SNTG1: variants seen among roughly 807,000 people sequenced by gnomAD.
SNTG1 encodes gamma-1-syntrophin.
SNTG1 carries 39 observed loss-of-function variants against 74.7 expected under a neutral mutation model. The ratio of observed to expected loss-of-function variants is 0.52; its 90% CI spans 0.40 to 0.68. SNTG1 has a LOEUF of 0.68. Among genes scored for constraint, SNTG1 ranks in the 30% least tolerant of loss-of-function variants. The pLI is 0.00. For missense variants in SNTG1, 685 were observed against 609.5 expected (o/e 1.12, Z -1.30); for synonymous variants, 254 against 217.1 (o/e 1.17, Z -1.49).
At chr8:49,980,282 G>T (rs1016763148) in intron 1 of SNTG1, among the ~76,000 whole-genome samples, 3 of 152,086 alleles carry the variant, frequency 2.0e-5, no homozygotes, top group South Asian at 2.1e-4. Flanking sequence ...ACGTTGTAAA[G>T]AAATCAAATG....
chr8:50,777,620 T>C (rs1228347019), intron 18 of SNTG1, among the ~76,000 whole-genome samples: 1 of 149,492 alleles, frequency 6.7e-6, no homozygotes, highest in Non-Finnish European at 1.5e-5. Context: ...CTATGTCATC[T>C]CACTGTTGGC....
intron 8 of SNTG1, among the ~76,000 whole-genome samples, chr8:50,457,620 G>T (rs1231236837): frequency 6.6e-6 from 1 of 152,112 alleles, no homozygotes; most frequent in African/African-American, 2.4e-5. Context: ...AGGGGGCAAG[G>T]GTTGTTGGTA....
At chr8:50,531,431 A>G (rs1286339961) in intron 10 of SNTG1, among the ~76,000 whole-genome samples, 1 of 152,154 alleles carries the variant, frequency 6.6e-6, no homozygotes, top group African/African-American at 2.4e-5. Context: ...GGAAATATAC[A>G]GGTTTCCTAA....
intron 2 of SNTG1, among the ~76,000 whole-genome samples, chr8:50,343,882 C>G (rs1375709194): frequency 1.3e-5 from 2 of 152,116 alleles, no homozygotes; most frequent in African/African-American, 4.8e-5. Flanking sequence ...AAATACAGGC[C>G]TTAATATTAT....
chr8:50,410,397 T>A (rs182510724), intron 4 of SNTG1, among the ~76,000 whole-genome samples: 22 of 152,162 alleles, frequency 1.4e-4, no homozygotes, highest in East Asian at 1.4e-3. Flanking sequence ...TTTAAACTTT[T>A]AAAAAAAACT....
intron 2 of SNTG1, among the ~76,000 whole-genome samples, chr8:50,315,236 A>T (rs1355883910): frequency 6.7e-6 from 1 of 149,692 alleles, no homozygotes; most frequent in Non-Finnish European, 1.5e-5. Context: ...TGCAGCGTTC[A>T]ATGCAATTCA....
chr8:50,645,907 C>T, intron 13 of SNTG1, among the ~76,000 whole-genome samples: 1 of 152,114 alleles, frequency 6.6e-6, no homozygotes. Flanking sequence ...GAAAGTGTCT[C>T]GGAGGGGATG....
intron 9 of SNTG1, among the ~76,000 whole-genome samples, chr8:50,520,042 A>C (rs566400857): frequency 1.1e-4 from 16 of 152,332 alleles, no homozygotes; most frequent in East Asian, 7.7e-4. Context: ...TTCAAACAAT[A>C]CTACAAGGCT....
chr8:50,409,229 T>A (rs2092917270), intron 4 of SNTG1, among the ~76,000 whole-genome samples: 1 of 152,184 alleles, frequency 6.6e-6, no homozygotes, highest in Admixed American at 6.5e-5. Context: ...AAAATATTGA[T>A]CATTTAGAAA....
At chr8:50,606,857 T>C (rs1440358836) in intron 13 of SNTG1, among the ~76,000 whole-genome samples, 2 of 151,850 alleles carry the variant, frequency 1.3e-5, no homozygotes, top group African/African-American at 2.4e-5. Context: ...TTTATTTCTA[T>C]CAATATGCTA....
At chr8:49,925,240 TTTTAC>T (rs1292822079) in intron 1 of SNTG1, among the ~76,000 whole-genome samples, 1 of 152,208 alleles carries the variant, frequency 6.6e-6, no homozygotes, top group East Asian at 1.9e-4. Context: ...TCTTTTAACT[TTTTAC>T]TTTAATTATA....
At chr8:50,098,347 T>C (rs2080005322) in intron 1 of SNTG1, among the ~76,000 whole-genome samples, 1 of 152,164 alleles carries the variant, frequency 6.6e-6, no homozygotes. Context: ...GGTTACTCAT[T>C]TGTAGATTGA....
intron 8 of SNTG1, among the ~76,000 whole-genome samples, chr8:50,462,186 C>T (rs755749140): frequency 1.5e-5 from 2 of 136,348 alleles, no homozygotes; most frequent in Non-Finnish European, 3.3e-5. Flanking sequence ...GAATATCACA[C>T]TAAAGTGAGT....
intron 2 of SNTG1, among the ~76,000 whole-genome samples, chr8:50,183,266 C>T (rs563440374): frequency 2.6e-5 from 4 of 152,278 alleles, no homozygotes; most frequent in East Asian, 1.9e-4. Context: ...GTAAGTCTTA[C>T]GCTTCCGCAT....
chr8:50,097,330 T>C (rs759331033), intron 1 of SNTG1, among the ~76,000 whole-genome samples: 29 of 152,284 alleles, frequency 1.9e-4, no homozygotes, highest in Non-Finnish European at 4.0e-4. Context: ...GAAGAATTTG[T>C]TTTTGCTAGG....
At chr8:50,373,718 A>G (rs2092318018) in intron 2 of SNTG1, among the ~76,000 whole-genome samples, 1 of 152,228 alleles carries the variant, frequency 6.6e-6, no homozygotes, top group Non-Finnish European at 1.5e-5. Context: ...AGATATCAAT[A>G]TACTTGCAGC....
At chr8:50,363,802 T>C (rs1482433416) in intron 2 of SNTG1, among the ~76,000 whole-genome samples, 3 of 152,104 alleles carry the variant, frequency 2.0e-5, no homozygotes, top group African/African-American at 4.8e-5. Flanking sequence ...GTAAGAGAGA[T>C]TTGGAGAATC....
chr8:50,597,371 G>A (rs936884512), intron 13 of SNTG1, among the ~76,000 whole-genome samples: 3,220 of 63,702 alleles, frequency 0.051, 56 homozygotes, highest in African/African-American at 0.082. Flanking sequence ...ACATATACAT[G>A]TATATATACA....
At chr8:50,779,782 G>A (rs756545219) in intron 18 of SNTG1, among the ~76,000 whole-genome samples, 5 of 151,924 alleles carry the variant, frequency 3.3e-5, no homozygotes, top group African/African-American at 4.8e-5. Flanking sequence ...TCTTGTGCCA[G>A]TTTTCAAAGG....
Sources: gnomAD v4.1 joint callset for allele counts (sites outside exome capture counted in the v4.1 genomes callset) on GRCh38, gnomAD v4.1.1 for gene constraint, MANE v1.5 for transcripts, NCBI Gene and HGNC (gene_info 2026-07-23, HGNC 2026-07-21) for gene names.